NKAIN2: variants seen among roughly 807,000 people sequenced by gnomAD.
The protein encoded by NKAIN2 is sodium/potassium-transporting ATPase subunit beta-1-interacting protein 2.
In NKAIN2, 14 loss-of-function variants were observed where a neutral mutation model predicts 32.6. The ratio of observed to expected loss-of-function variants is 0.43; its 90% confidence interval spans 0.28 to 0.67. NKAIN2 has a LOEUF of 0.67. Among genes scored for constraint, NKAIN2 ranks in the 30% least tolerant of loss-of-function variants. The pLI is 0.17. For missense variants in NKAIN2, 198 were observed against 258.3 expected (o/e 0.77, Z 1.60); for synonymous variants, 80 against 87.2 (o/e 0.92, Z 0.46).
At chr6:124,644,081 T>C (rs1784081457) in intron 3 of NKAIN2, among the ~76,000 whole-genome samples, 1 of 152,168 alleles carries the variant, frequency 6.6e-6, no homozygotes, top group African/African-American at 2.4e-5. Flanking sequence ...CCTGAATACA[T>C]ACAGGCCCTG....
chr6:124,282,565 T>C (rs1344430669), intron 1 of NKAIN2, among the ~76,000 whole-genome samples: 1 of 152,200 alleles, frequency 6.6e-6, no homozygotes, highest in African/African-American at 2.4e-5. Context: ...GCTACAACTC[T>C]TGCTAAAGAT....
intron 2 of NKAIN2, among the ~76,000 whole-genome samples, chr6:124,320,969 C>A (rs1427940921): frequency 6.6e-6 from 1 of 152,124 alleles, no homozygotes; most frequent in Admixed American, 6.6e-5. Context: ...GTCTCCCTGC[C>A]TCTCCTGGAC....
At chr6:124,374,090 A>T (rs1355474471) in intron 3 of NKAIN2, among the ~76,000 whole-genome samples, 1 of 152,094 alleles carries the variant, frequency 6.6e-6, no homozygotes, top group African/African-American at 2.4e-5. Flanking sequence ...CTTAGAGAGG[A>T]TGGAAACCAG....
At chr6:124,078,381 G>A (rs1168498298) in intron 1 of NKAIN2, among the ~76,000 whole-genome samples, 1 of 151,910 alleles carries the variant, frequency 6.6e-6, no homozygotes, top group Non-Finnish European at 1.5e-5. Flanking sequence ...TGCCAACTTT[G>A]TACTAGGCAC....
At chr6:124,324,501 G>A (rs1360044979) in intron 2 of NKAIN2, among the ~76,000 whole-genome samples, 1 of 152,008 alleles carries the variant, frequency 6.6e-6, no homozygotes, top group African/African-American at 2.4e-5. Flanking sequence ...TCTGAATTCA[G>A]TATAGAAAAT....
At chr6:124,183,605 G>GA (rs200128980) in intron 1 of NKAIN2, among the ~76,000 whole-genome samples, 3,050 of 151,980 alleles carry the variant, frequency 0.02, 48 homozygotes, top group South Asian at 0.046. Flanking sequence ...TTCTAAAAGA[G>GA]AAAAAAACAC....
At chr6:124,047,444 C>CTA (rs1416005236) in intron 1 of NKAIN2, among the ~76,000 whole-genome samples, 94 of 149,594 alleles carry the variant, frequency 6.3e-4, no homozygotes, top group Middle Eastern at 3.5e-3. Flanking sequence ...TTCTCTCTCT[C>CTA]TCTCTATATA....
At chr6:124,645,447 T>C (rs537806247) in intron 3 of NKAIN2, among the ~76,000 whole-genome samples, 3 of 152,302 alleles carry the variant, frequency 2.0e-5, no homozygotes, top group African/African-American at 7.2e-5. Context: ...AAAATTTGCA[T>C]ACTGAAAAAT....
intron 1 of NKAIN2, among the ~76,000 whole-genome samples, chr6:124,203,876 C>G (rs1220782543): frequency 6.6e-6 from 1 of 151,790 alleles, no homozygotes; most frequent in African/African-American, 2.4e-5. Flanking sequence ...ATTGAGCCCA[C>G]TTTTAAGATG....
rs770284177 is a variant in NKAIN2, at chr6:124,309,299, GT to G, written c.192+26163del. On this transcript the variant is annotated intron_variant, in intron 2 of 6. Transcript: ENST00000368417. ...TCAAGCCTGGAACTAATTATTTGAT[GT>G]TTTTTCAGTCACAACATGCTATTTG... Among the ~76,000 whole-genome samples, 6 of 152,100 alleles carry G rather than the reference GT, an allele frequency of 3.9e-5. No individual in the cohort carries two copies. In the East Asian group the frequency reaches 9.7e-4, roughly 25 times the overall value.
At chr6:123,864,147 C>T (rs1775894915) in intron 1 of NKAIN2, among the ~76,000 whole-genome samples, 1 of 152,074 alleles carries the variant, frequency 6.6e-6, no homozygotes, top group Admixed American at 6.6e-5. Flanking sequence ...TATAAAAAAA[C>T]ATTTTGGGAT....
chr6:124,557,806 G>C (rs1016748792), intron 3 of NKAIN2, among the ~76,000 whole-genome samples: 4 of 152,146 alleles, frequency 2.6e-5, no homozygotes, highest in African/African-American at 9.7e-5. Context: ...AGGTTTTCTG[G>C]TTAGAAAGGC....
At chr6:124,279,686 A>C (rs1302108321) in intron 1 of NKAIN2, among the ~76,000 whole-genome samples, 1 of 152,268 alleles carries the variant, frequency 6.6e-6, no homozygotes, top group South Asian at 2.1e-4. Flanking sequence ...TTTTATAAGT[A>C]AAATTTAATC....
At chr6:124,455,003 C>T (rs951740823) in intron 3 of NKAIN2, among the ~76,000 whole-genome samples, 1 of 151,932 alleles carries the variant, frequency 6.6e-6, no homozygotes, top group African/African-American at 2.4e-5. Flanking sequence ...GTCTATTTAT[C>T]AGCCCATCTA....
intron 1 of NKAIN2, among the ~76,000 whole-genome samples, chr6:124,279,995 C>A (rs1795218757): frequency 6.6e-6 from 1 of 152,060 alleles, no homozygotes; most frequent in Non-Finnish European, 1.5e-5. Flanking sequence ...ATGTTGTGAT[C>A]TGTGCAAGCC....
At position 124,155,205 on chromosome 6, in the gene NKAIN2, C is replaced by T. The variant is rs148533180; in HGVS notation, c.55-127800C>T. 2.5e-3 allele frequency among the ~76,000 whole-genome samples: 385 copies of T among 152,110 alleles called. 1 individual carries two copies. The highest frequency in any genetic ancestry group is 8.7e-3 in the African/African-American group (360 of 41,526). ...GCTTTAAAAATGTTGTTAAAAGATA[C>T]AAAATTATATCTAGATGGGAAGAAT... On this transcript the variant is annotated intron_variant, in intron 1 of 6. Transcript: ENST00000368417.
intron 3 of NKAIN2, among the ~76,000 whole-genome samples, chr6:124,553,410 C>T (rs1056881549): frequency 3.3e-5 from 5 of 152,110 alleles, no homozygotes; most frequent in Admixed American, 1.3e-4. Flanking sequence ...CAGGTTCAAG[C>T]GATTCTCCTG....
intron 1 of NKAIN2, among the ~76,000 whole-genome samples, chr6:124,005,729 T>A (rs545428612): frequency 6.6e-6 from 1 of 152,310 alleles, no homozygotes; most frequent in East Asian, 1.9e-4. Flanking sequence ...TCCATCAGCA[T>A]ATGAAATTTT....
chr6:124,209,604 C>T (rs1791069259), intron 1 of NKAIN2, among the ~76,000 whole-genome samples: 1 of 151,852 alleles, frequency 6.6e-6, no homozygotes, highest in African/African-American at 2.4e-5. Flanking sequence ...TTCTCCACAT[C>T]CTCACCACCA....
Sources: allele counts gnomAD v4.1 joint callset (sites outside exome capture counted in the v4.1 genomes callset), GRCh38; gene constraint gnomAD v4.1.1; transcripts MANE v1.5; gene names NCBI Gene and HGNC (gene_info 2026-07-23, HGNC 2026-07-21).